Variants in SLCO1B3 observed in about 807,000 individuals in gnomAD.
SLCO1B3 encodes the protein liver-specific organic anion transporter 2.
A neutral mutation model predicts 71.8 loss-of-function variants in SLCO1B3; 72 were observed. That is an observed-to-expected ratio of 1.00 (90% CI 0.83 to 1.22). SLCO1B3 has a LOEUF of 1.22. Ranked by LOEUF, SLCO1B3 falls within the 50% of genes most tolerant of loss-of-function variation. The pLI is 0.00. For synonymous variants in SLCO1B3, 298 were observed against 278.4 expected (o/e 1.07, Z -0.70); for missense variants, 911 against 819.7 (o/e 1.11, Z -1.36).
At chr12:20,838,080 C>G (rs1279720720) in intron 3 of SLCO1B3, among the ~76,000 whole-genome samples, 1 of 150,668 alleles carries the variant, frequency 6.6e-6, no homozygotes, top group Non-Finnish European at 1.5e-5. Context: ...CTGTAATGCC[C>G]CCTCCCACCT....
chr12:20,915,981 C>G, intron 15 of SLCO1B3, 23 bp from the exon 16 acceptor site: 4 of 1,544,544 alleles, frequency 2.6e-6, no homozygotes, highest in Non-Finnish European at 3.5e-6. Flanking sequence ...TAATAATCGA[C>G]TCTCTATTTT....
At chr12:20,827,289 T>G (rs2121114328) in intron 3 of SLCO1B3, among the ~76,000 whole-genome samples, 1 of 152,316 alleles carries the variant, frequency 6.6e-6, no homozygotes, top group African/African-American at 2.4e-5. Flanking sequence ...CTAATTTTAT[T>G]TTACCAGCAA....
chr12:20,869,328 C>G (rs1034209449), intron 8 of SLCO1B3, among the ~76,000 whole-genome samples: 2 of 152,174 alleles, frequency 1.3e-5, no homozygotes, highest in African/African-American at 4.8e-5. Flanking sequence ...GTCTTTTGGT[C>G]ACTTCTCACT....
chr12:20,843,695 G>A (rs1292455113), intron 3 of SLCO1B3, among the ~76,000 whole-genome samples: 1 of 151,774 alleles, frequency 6.6e-6, no homozygotes, highest in African/African-American at 2.4e-5. Context: ...GCAGGAGAAT[G>A]GCATGAACCC....
chr12:20,861,764 G>T (rs1443841715), intron 6 of SLCO1B3, among the ~76,000 whole-genome samples: 4 of 151,886 alleles, frequency 2.6e-5, no homozygotes, highest in African/African-American at 9.7e-5. Flanking sequence ...ATGATTTCAA[G>T]TTTTCTGTAT....
intron 15 of SLCO1B3, among the ~76,000 whole-genome samples, chr12:20,906,082 A>G (rs1402089197): frequency 2.0e-5 from 3 of 152,184 alleles, no homozygotes; most frequent in Admixed American, 6.5e-5. Context: ...ATCCACCCCC[A>G]TGATCCAATC....
rs11525533 is a variant in SLCO1B3 at position 20,849,746 on chromosome 12, T to C, written c.85-5282T>C. Among the ~76,000 whole-genome samples, 703 of 146,056 alleles carry C rather than the reference T, an allele frequency of 4.8e-3. 7 individuals are homozygous for C. Among genetic ancestry groups the C allele is most frequent in the East Asian group, 0.027 (132 of 4,886 alleles). On this transcript the variant is annotated intron_variant, in intron 3 of 15. Coordinates refer to ENST00000381545, the MANE Select transcript of SLCO1B3 (RefSeq NM_019844.4). ...ACACACACACACACACACACACACA[T>C]ATTACTTGTGTTTCTGTACACCGGG...
At chr12:20,913,138 TTGAATTTTGCCTGG>T (rs1398688406) in intron 15 of SLCO1B3, among the ~76,000 whole-genome samples, 1 of 152,178 alleles carries the variant, frequency 6.6e-6, no homozygotes, top group African/African-American at 2.4e-5. Context: ...CTATGTCTGA[TTGAATTTTGCCTGG>T]TGAATCCGTG....
At chr12:20,818,548 A>T (rs1301224653) in intron 3 of SLCO1B3, among the ~76,000 whole-genome samples, 2 of 152,156 alleles carry the variant, frequency 1.3e-5, no homozygotes, top group African/African-American at 4.8e-5. Context: ...GGTGGGGGCA[A>T]ATCCTCGAGC....
chr12:20,863,505 A>G (rs1736068321), intron 8 of SLCO1B3, among the ~76,000 whole-genome samples: 1 of 152,108 alleles, frequency 6.6e-6, no homozygotes, highest in African/African-American at 2.4e-5. Flanking sequence ...TCCTACAGAT[A>G]TACCTTCACC....
intron 8 of SLCO1B3, among the ~76,000 whole-genome samples, chr12:20,868,177 T>G (rs1865408621): frequency 6.6e-6 from 1 of 152,192 alleles, no homozygotes. Context: ...CAACTATTAG[T>G]GCTAAAAAAG....
intron 8 of SLCO1B3, among the ~76,000 whole-genome samples, chr12:20,863,489 C>T (rs1352125358): frequency 6.6e-6 from 1 of 151,938 alleles, no homozygotes; most frequent in African/African-American, 2.4e-5. Context: ...GACTTCAGGC[C>T]CTCCTTCCTA....
chr12:20,839,828 G>T (rs1343321669), intron 3 of SLCO1B3, among the ~76,000 whole-genome samples: 1 of 151,880 alleles, frequency 6.6e-6, no homozygotes, highest in Non-Finnish European at 1.5e-5. Flanking sequence ...TAGCTTTTGG[G>T]TATTTTCTTC....
intron 8 of SLCO1B3, among the ~76,000 whole-genome samples, chr12:20,871,438 C>G (rs542609244): frequency 6.6e-6 from 1 of 152,174 alleles, no homozygotes; most frequent in South Asian, 2.1e-4. Context: ...TTGGTGAGGT[C>G]ATGTTTTCCT....
intron 15 of SLCO1B3, among the ~76,000 whole-genome samples, chr12:20,912,393 G>A (rs958640562): frequency 2.0e-5 from 3 of 150,552 alleles, no homozygotes; most frequent in Admixed American, 6.6e-5. Flanking sequence ...GCAGCAGTAC[G>A]ATGTCACTCA....
Position 20,855,177 on chromosome 12 carries a change from T to A in SLCO1B3, c.226+8T>A. ...ATGGAAGCTTTGAAATTGGTAACTTTTATTTTTTCTATTTGATAACCATAC... is the reference window on the plus strand; with the variant it reads ...ATGGAAGCTTTGAAATTGGTAACTTATATTTTTTCTATTTGATAACCATAC... On this transcript the variant is annotated splice_region_variant and intron_variant, in intron 4 of 15. Transcript: ENST00000381545. The A allele has an allele frequency of 6.3e-7, 1 of 1,599,468 alleles. No homozygotes were observed. Among genetic ancestry groups the A allele is most frequent in the Non-Finnish European group, 8.5e-7 (1 of 1,171,128 alleles).
chr12:20,814,098 C>T (rs191808410), intron 2 of SLCO1B3, among the ~76,000 whole-genome samples: 1 of 151,920 alleles, frequency 6.6e-6, no homozygotes, highest in Non-Finnish European at 1.5e-5. Context: ...TAACATATAC[C>T]TATATCTATG....
intron 3 of SLCO1B3, among the ~76,000 whole-genome samples, chr12:20,835,733 C>T (rs1864665319): frequency 1.3e-5 from 2 of 152,114 alleles, no homozygotes; most frequent in Admixed American, 1.3e-4. Context: ...GTCTTCTGAG[C>T]CCTCCAATTC....
At chr12:20,816,697 C>A (rs1445281175) in intron 3 of SLCO1B3, among the ~76,000 whole-genome samples, 1 of 152,198 alleles carries the variant, frequency 6.6e-6, no homozygotes, top group Non-Finnish European at 1.5e-5. Flanking sequence ...AATTCGCTTT[C>A]TTTTGGGTAT....
Sources: gnomAD v4.1 joint callset for allele counts (sites outside exome capture counted in the v4.1 genomes callset) on GRCh38, gnomAD v4.1.1 for gene constraint, MANE v1.5 for transcripts, NCBI Gene and HGNC (gene_info 2026-07-23, HGNC 2026-07-21) for gene names.